VWA8: variants seen among roughly 807,000 people sequenced by gnomAD.
VWA8 encodes the protein von Willebrand factor A domain-containing protein 8.
Under a neutral mutation model 241.5 loss-of-function variants are expected in VWA8, and 221 were observed. The observed-to-expected ratio is 0.91, with a 90% CI of 0.82 to 1.02. VWA8 has a LOEUF of 1.02. Ranked by LOEUF, VWA8 falls within the 50% of genes least tolerant of loss-of-function variation. The pLI is 0.00. For missense variants in VWA8, 2,322 were observed against 2,328.7 expected (o/e 1.00, Z 0.06); for synonymous variants, 852 against 827.1 (o/e 1.03, Z -0.52).
chr13:41,577,891 G>A (rs60511964), intron 42 of VWA8, among the ~76,000 whole-genome samples: 19,871 of 152,196 alleles, frequency 0.13, 1,643 homozygotes, highest in South Asian at 0.25. Context: ...CATATGGTCT[G>A]TCACAGGGTC....
At chr13:41,639,025 T>C (rs146005835) in intron 37 of VWA8, among the ~76,000 whole-genome samples, 1 of 152,298 alleles carries the variant, frequency 6.6e-6, no homozygotes, top group East Asian at 1.9e-4. Flanking sequence ...AGGAGCTCGC[T>C]TCTGGTATCT....
intron 36 of VWA8, among the ~76,000 whole-genome samples, chr13:41,673,435 T>G (rs1273621664): frequency 1.3e-5 from 2 of 152,146 alleles, no homozygotes; most frequent in African/African-American, 4.8e-5. Context: ...AAAAAAGCAG[T>G]AGTTAAGAGA....
chr13:41,956,208 C>T (rs766499093), intron 1 of VWA8, among the ~76,000 whole-genome samples: 2 of 152,156 alleles, frequency 1.3e-5, no homozygotes, highest in African/African-American at 2.4e-5. Flanking sequence ...GGCCTCTACC[C>T]GCTAGATGCC....
chr13:41,681,488 T>G (rs1173520068), intron 35 of VWA8, among the ~76,000 whole-genome samples: 1 of 152,152 alleles, frequency 6.6e-6, no homozygotes, highest in Non-Finnish European at 1.5e-5. Context: ...TACACAAAGT[T>G]TAAAAACATA....
chr13:41,669,744 C>T (rs1012666428), intron 37 of VWA8, among the ~76,000 whole-genome samples: 3 of 152,022 alleles, frequency 2.0e-5, no homozygotes, highest in African/African-American at 4.8e-5. Context: ...AGAACAAGAG[C>T]TTAATTCAAA....
At chr13:41,951,466 G>C (rs1414369312) in intron 1 of VWA8, among the ~76,000 whole-genome samples, 1 of 152,062 alleles carries the variant, frequency 6.6e-6, no homozygotes, top group East Asian at 1.9e-4. Context: ...ATAAGCAAAA[G>C]CAGGCAAAAG....
chr13:41,801,602 A>G (rs941069075), intron 17 of VWA8, among the ~76,000 whole-genome samples: 10 of 152,236 alleles, frequency 6.6e-5, no homozygotes, highest in Non-Finnish European at 1.3e-4. Context: ...TATTCTTTAA[A>G]ATAGCTTCAT....
intron 26 of VWA8, among the ~76,000 whole-genome samples, chr13:41,710,451 A>T (rs952091309): frequency 6.6e-6 from 1 of 152,196 alleles, no homozygotes; most frequent in African/African-American, 2.4e-5. Flanking sequence ...AAGCAAATGG[A>T]ATGGCTGTGA....
chr13:41,781,675 TCTC>T (rs1868892116), intron 19 of VWA8, among the ~76,000 whole-genome samples: 1 of 152,118 alleles, frequency 6.6e-6, no homozygotes, highest in Admixed American at 6.6e-5. Flanking sequence ...TCCTCCAACT[TCTC>T]CTCCTTACTG....
At chr13:41,926,460 T>C (rs1876844789) in intron 2 of VWA8, 2 of 525,954 alleles carry the variant, frequency 3.8e-6, no homozygotes, top group South Asian at 1.5e-5. Flanking sequence ...GACAATGCGC[T>C]GGACATGAGA....
At chr13:41,817,679 C>T (rs146883953) in intron 15 of VWA8, among the ~76,000 whole-genome samples, 1 of 152,248 alleles carries the variant, frequency 6.6e-6, no homozygotes, top group Non-Finnish European at 1.5e-5. Context: ...TACTCAAGAT[C>T]TGGAAGCTAA....
At chr13:41,618,701 A>C (rs528234333) in intron 37 of VWA8, among the ~76,000 whole-genome samples, 10 of 152,304 alleles carry the variant, frequency 6.6e-5, no homozygotes, top group Admixed American at 4.6e-4. Context: ...ATGGCTAGCC[A>C]GTTTTCCCAG....
At chr13:41,806,451 C>A (rs1048959378) in intron 17 of VWA8, among the ~76,000 whole-genome samples, 4 of 152,180 alleles carry the variant, frequency 2.6e-5, no homozygotes, top group African/African-American at 9.7e-5. Flanking sequence ...CGCCTGTAAT[C>A]CCAGCACTTT....
chr13:41,720,179 A>G (rs941586414), intron 25 of VWA8, among the ~76,000 whole-genome samples: 4 of 152,168 alleles, frequency 2.6e-5, no homozygotes, highest in Non-Finnish European at 5.9e-5. Flanking sequence ...AAGCAACAAG[A>G]AAAGAAGGAA....
chr13:41,590,747 G>A lies in VWA8; in HGVS notation c.5005C>T (p.Gln1669Ter). ...DNLQAKGKER[Q>*]WLRHQATGEL... is the part of the protein sequence containing the mutation. ...CCAGTAGCTTGATGTCTTAGCCATT[G>A]TCTTTCTTTACCTTTAGCCTACAAA... The change falls in exon 41 of 45, where the codon CAA (glutamine) becomes TAA (stop). Residue 1669 changes from glutamine to a stop codon, truncating the protein, a stop_gained. Transcript: ENST00000379310. LOFTEE classifies it high-confidence loss of function. 1 of 1,613,972 alleles carries A rather than the reference G, an allele frequency of 6.2e-7. No individual in the cohort carries two copies. Among genetic ancestry groups the A allele is most frequent in the Non-Finnish European group, 8.5e-7 (1 of 1,179,982 alleles).
intron 42 of VWA8, among the ~76,000 whole-genome samples, chr13:41,578,082 A>G (rs1455727281): frequency 1.3e-5 from 2 of 152,190 alleles, no homozygotes; most frequent in Non-Finnish European, 2.9e-5. Context: ...AAAACATACT[A>G]TACTTTTCTA....
At chr13:41,755,469 TAAAA>T (rs2137898091) in intron 21 of VWA8, among the ~76,000 whole-genome samples, 1 of 152,122 alleles carries the variant, frequency 6.6e-6, no homozygotes, top group Admixed American at 6.6e-5. Context: ...ATGGGTACTA[TAAAA>T]TATAAATATT....
intron 18 of VWA8, 97 bp downstream of exon 18, chr13:41,787,340 G>T: frequency 1.0e-6 from 1 of 996,574 alleles, no homozygotes; most frequent in Non-Finnish European, 1.5e-6. Flanking sequence ...ACCAAAAACT[G>T]TTTAACTGTT....
chr13:41,876,187 T>C (rs1015354947), intron 9 of VWA8, among the ~76,000 whole-genome samples: 1 of 152,100 alleles, frequency 6.6e-6, no homozygotes, highest in Non-Finnish European at 1.5e-5. Context: ...TTTTCATTCA[T>C]ACCCTCCACA....
Sources: gnomAD v4.1 joint callset for allele counts (sites outside exome capture counted in the v4.1 genomes callset) on GRCh38, gnomAD v4.1.1 for gene constraint, MANE v1.5 for transcripts, NCBI Gene and HGNC (gene_info 2026-07-23, HGNC 2026-07-21) for gene names.